ACER3: variants seen among roughly 807,000 people sequenced by gnomAD.
ACER3 encodes alkaline ceramidase 3, also known as alkCDase 3.
A neutral mutation model predicts 48.9 loss-of-function variants in ACER3; 16 were observed. The ratio of observed to expected loss-of-function variants is 0.33; its 90% confidence interval spans 0.22 to 0.50. The LOEUF (loss-of-function observed/expected upper bound fraction) is 0.50. ACER3 is among the 20% of genes least tolerant of loss of function. The pLI is 0.98. For synonymous variants in ACER3, 109 were observed against 107.8 expected (o/e 1.01, Z -0.07); for missense variants, 227 against 326.0 (o/e 0.70, Z 2.34).
chr11:77,025,291 G>C lies in ACER3; in HGVS notation c.*4964G>C, dbSNP rs1591083052. On this transcript the variant is annotated 3_prime_UTR_variant, in exon 11 of 11. Coordinates refer to ENST00000532485, the MANE Select transcript of ACER3 (RefSeq NM_018367.7). ...TAAAAATGTGTCATAATATCAAAGG[G>C]GTCTAGATCAGGGGTTGGTAAACTA... The C allele has an allele frequency of 6.6e-6, 1 of 151,280 alleles. No individual in the cohort carries two copies. The highest frequency in any genetic ancestry group is 1.9e-4 in the East Asian group (1 of 5,188). The allele number at this position is 151,280 out of a possible 1,614,324, so 9.4% of individuals were successfully genotyped here.
intron 1 of ACER3, among the ~76,000 whole-genome samples, chr11:76,886,990 C>G (rs896983703): frequency 1.3e-5 from 2 of 152,096 alleles, no homozygotes; most frequent in African/African-American, 4.8e-5. Flanking sequence ...TAAGAACTTA[C>G]TGTCGAGAAC....
At chr11:76,958,029 C>G (rs1425377687) in intron 2 of ACER3, among the ~76,000 whole-genome samples, 1 of 149,158 alleles carries the variant, frequency 6.7e-6, no homozygotes, top group East Asian at 2.0e-4. Context: ...CTTCTGAGTT[C>G]AAGCGATCCT....
Position 76,998,759 on chromosome 11 carries a change from T to A in ACER3, c.439-4T>A. 6.3e-7 allele frequency: 1 copy of A among 1,590,158 alleles called. No individual in the cohort carries two copies. Among genetic ancestry groups the A allele is most frequent in the Non-Finnish European group, 8.5e-7 (1 of 1,169,742 alleles). On this transcript the variant is annotated splice_polypyrimidine_tract_variant and splice_region_variant and intron_variant, in intron 6 of 10. Transcript: ENST00000532485. ...TACTAACCTCATTTTCCGTTCCTAT[T>A]TAGGTCATGTATGGAATGTTGGTCT...
chr11:76,994,253 C>T (rs1202352148), intron 6 of ACER3: 2 of 448,952 alleles, frequency 4.5e-6, no homozygotes, highest in Non-Finnish European at 8.9e-6. Context: ...CCTCAGCCAC[C>T]CAGGTAGCTG....
intron 3 of ACER3, 142 bp from the exon 4 acceptor site, chr11:76,976,147 A>G: frequency 3.1e-6 from 2 of 649,942 alleles, no homozygotes; most frequent in South Asian, 3.7e-5. Flanking sequence ...TTGGCCTCCC[A>G]GAGTGCTGGG....
In ACER3 at chr11:76,998,728, T is replaced by C. The variant is rs141801980; in HGVS notation, c.439-35T>C. On this transcript the variant is annotated intron_variant, in intron 6 of 10. Transcript: ENST00000532485. ...ATAGACTTCCTTTGCCAAACAATAATGATTGTACTAACCTCATTTTCCGTT... is the reference window on the plus strand; with the variant it reads ...ATAGACTTCCTTTGCCAAACAATAACGATTGTACTAACCTCATTTTCCGTT... 302 of 1,517,938 alleles carry C rather than the reference T, an allele frequency of 2.0e-4. 2 individuals are homozygous for C. The East Asian group carries it at 7.1e-3, about 36-fold the overall frequency. 94.0% of individuals were successfully genotyped at this position (1,517,938 alleles called of 1,614,324 possible). A position where few individuals can be genotyped will look rare whatever the true frequency, so the allele number is the denominator to read the frequency against.
intron 1 of ACER3, among the ~76,000 whole-genome samples, chr11:76,913,436 T>C (rs10736811): frequency 0.75 from 114,743 of 152,084 alleles, 43,648 homozygotes; most frequent in African/African-American, 0.81. Flanking sequence ...GAGGACATCC[T>C]TGTCTTGTGC....
intron 1 of ACER3, among the ~76,000 whole-genome samples, chr11:76,879,545 A>G (rs768988490): frequency 6.6e-6 from 1 of 152,190 alleles, no homozygotes; most frequent in Non-Finnish European, 1.5e-5. Context: ...TCAATATTTC[A>G]TTATTAGGTA....
chr11:76,935,388 G>A (rs1947151135), intron 2 of ACER3, among the ~76,000 whole-genome samples: 2 of 152,184 alleles, frequency 1.3e-5, no homozygotes, highest in African/African-American at 4.8e-5. Context: ...ATATTGAAAG[G>A]TCCAATTTTG....
chr11:76,870,499 A>T (rs1291243677), intron 1 of ACER3, among the ~76,000 whole-genome samples: 2 of 152,080 alleles, frequency 1.3e-5, no homozygotes, highest in Non-Finnish European at 2.9e-5. Flanking sequence ...ATTGTGAATA[A>T]TGCTCCTGTG....
chr11:76,913,625 C>T (rs1355801366), intron 1 of ACER3, among the ~76,000 whole-genome samples: 1 of 152,100 alleles, frequency 6.6e-6, no homozygotes, highest in Non-Finnish European at 1.5e-5. Context: ...GCCATACTGC[C>T]CAAGGTAATT....
chr11:76,975,393 T>C (rs559053807), intron 3 of ACER3, among the ~76,000 whole-genome samples: 1 of 152,288 alleles, frequency 6.6e-6, no homozygotes, highest in East Asian at 1.9e-4. Context: ...TAGCTTGCAG[T>C]TTAACACATA....
intron 2 of ACER3, among the ~76,000 whole-genome samples, chr11:76,957,059 A>C (rs978240330): frequency 2.0e-5 from 3 of 152,150 alleles, no homozygotes; most frequent in Non-Finnish European, 4.4e-5. Flanking sequence ...TCATTCTTGC[A>C]TTCTTGGATT....
At chr11:77,005,970 T>C (rs1341837902) in intron 7 of ACER3, among the ~76,000 whole-genome samples, 3 of 56,386 alleles carry the variant, frequency 5.3e-5, no homozygotes, top group Non-Finnish European at 9.9e-5. Context: ...TATATATATA[T>C]ACATATATAT....
At chr11:76,866,612 A>G (rs1945096030) in intron 1 of ACER3, among the ~76,000 whole-genome samples, 1 of 152,210 alleles carries the variant, frequency 6.6e-6, no homozygotes, top group Admixed American at 6.5e-5. Context: ...CTAAACTATG[A>G]TAACTGAAAT....
intron 6 of ACER3, chr11:76,994,367 T>G: frequency 2.8e-6 from 1 of 353,580 alleles, no homozygotes; most frequent in Non-Finnish European, 5.5e-6. Context: ...TGGCCTCAAG[T>G]GATCTGCCCG....
intron 8 of ACER3, chr11:77,015,331 G>GC: frequency 4.9e-6 from 2 of 410,112 alleles, no homozygotes; most frequent in Non-Finnish European, 8.6e-6. Flanking sequence ...AACCTCTGTA[G>GC]GGTTTGGGTT....
At chr11:76,873,161 C>T (rs774281963) in intron 1 of ACER3, among the ~76,000 whole-genome samples, 22 of 152,010 alleles carry the variant, frequency 1.4e-4, no homozygotes, top group Non-Finnish European at 2.9e-4. Flanking sequence ...CTCAAGCGAT[C>T]CTCCCAAAGT....
chr11:76,947,050 G>A (rs1310702872), intron 2 of ACER3, among the ~76,000 whole-genome samples: 1 of 152,114 alleles, frequency 6.6e-6, no homozygotes, highest in African/African-American at 2.4e-5. Flanking sequence ...TTCACTTTTG[G>A]TGCATCTTGT....
Sources: gnomAD v4.1 joint callset for allele counts (sites outside exome capture counted in the v4.1 genomes callset) on GRCh38, gnomAD v4.1.1 for gene constraint, MANE v1.5 for transcripts, NCBI Gene and HGNC (gene_info 2026-07-23, HGNC 2026-07-21) for gene names.